Variants in KATNIP observed in about 807,000 individuals in gnomAD.
The protein encoded by KATNIP is katanin interacting protein.
KATNIP carries 126 observed loss-of-function variants against 174.0 expected under a neutral mutation model. That is an observed-to-expected ratio of 0.72 (90% CI 0.63 to 0.84). The LOEUF (loss-of-function observed/expected upper bound fraction) is 0.84, where lower values mean the gene tolerates loss of function less well. KATNIP is among the 40% of genes least tolerant of loss of function. KATNIP has a pLI of 0.00. For missense variants in KATNIP, 1,958 were observed against 2,109.7 expected (o/e 0.93, Z 1.41); for synonymous variants, 810 against 835.7 (o/e 0.97, Z 0.53).
At chr16:27,645,554 T>C (rs1757281539) in intron 5 of KATNIP, among the ~76,000 whole-genome samples, 1 of 152,180 alleles carries the variant, frequency 6.6e-6, no homozygotes, top group African/African-American at 2.4e-5. Flanking sequence ...TTGCTGCATC[T>C]TAGAGAACAT....
At chr16:27,634,932 G>A (rs2076590908) in intron 5 of KATNIP, among the ~76,000 whole-genome samples, 1 of 152,130 alleles carries the variant, frequency 6.6e-6, no homozygotes, top group Non-Finnish European at 1.5e-5. Flanking sequence ...GAGGAGTTTG[G>A]GGCCAGTGTT....
intron 2 of KATNIP, among the ~76,000 whole-genome samples, chr16:27,618,148 G>A (rs1018717729): frequency 2.0e-5 from 3 of 152,168 alleles, no homozygotes; most frequent in Non-Finnish European, 2.9e-5. Context: ...CAGAACCCTT[G>A]ATCTTAGAGG....
At chr16:27,697,635 T>G (rs2078960922) in intron 8 of KATNIP, among the ~76,000 whole-genome samples, 1 of 146,456 alleles carries the variant, frequency 6.8e-6, no homozygotes, top group South Asian at 2.1e-4. Context: ...ACAGAAATAT[T>G]ATGCACACAC....
At chr16:27,587,985 G>C (rs886988496) in intron 2 of KATNIP, among the ~76,000 whole-genome samples, 3 of 148,838 alleles carry the variant, frequency 2.0e-5, no homozygotes, top group Non-Finnish European at 4.4e-5. Flanking sequence ...GCATGAACAC[G>C]GCTCAAGTGA....
chr16:27,663,143 TTTC>T (rs1419025876), intron 6 of KATNIP, among the ~76,000 whole-genome samples: 3 of 149,188 alleles, frequency 2.0e-5, no homozygotes, highest in African/African-American at 7.3e-5. Flanking sequence ...TTCTTTTTCT[TTTC>T]TTCTTCTTTT....
At chr16:27,650,926 G>A (rs1322599009) in intron 6 of KATNIP, among the ~76,000 whole-genome samples, 1 of 152,256 alleles carries the variant, frequency 6.6e-6, no homozygotes, top group East Asian at 1.9e-4. Flanking sequence ...CAGACAATTT[G>A]CTTTTGAACT....
chr16:27,657,743 C>T (rs972154192), intron 6 of KATNIP, among the ~76,000 whole-genome samples: 8 of 152,146 alleles, frequency 5.3e-5, no homozygotes, highest in Admixed American at 3.9e-4. Flanking sequence ...AACCCCGTCT[C>T]TACTAAAAAT....
chr16:27,607,524 A>G (rs1426216252), intron 2 of KATNIP, among the ~76,000 whole-genome samples: 1 of 151,458 alleles, frequency 6.6e-6, no homozygotes, highest in Non-Finnish European at 1.5e-5. Context: ...TGTGCAGCCT[A>G]TAGGGAGGCA....
At chr16:27,617,543 G>A (rs1369125631) in intron 2 of KATNIP, among the ~76,000 whole-genome samples, 4 of 152,174 alleles carry the variant, frequency 2.6e-5, no homozygotes, top group Admixed American at 6.5e-5. Flanking sequence ...GGTCATCTAC[G>A]GAAGCCAGTG....
intron 14 of KATNIP, among the ~76,000 whole-genome samples, chr16:27,729,774 A>T (rs1266181121): frequency 6.6e-6 from 1 of 152,162 alleles, no homozygotes; most frequent in Admixed American, 6.5e-5. Flanking sequence ...CTCCTGGCTC[A>T]CAACTTTGAT....
At chr16:27,595,822 G>A (rs1163066798) in intron 2 of KATNIP, among the ~76,000 whole-genome samples, 1 of 152,170 alleles carries the variant, frequency 6.6e-6, no homozygotes, top group Non-Finnish European at 1.5e-5. Flanking sequence ...GCCCTCAGAA[G>A]GGCCTTGCTG....
chr16:27,641,852 T>C (rs2076810115), intron 5 of KATNIP, among the ~76,000 whole-genome samples: 1 of 152,170 alleles, frequency 6.6e-6, no homozygotes, highest in Admixed American at 6.5e-5. Flanking sequence ...GCCCCCTTTT[T>C]CTGGACAAAG....
rs143282229 is a variant in KATNIP, at chr16:27,770,776, A to C, written c.4133+758A>C. 4.7e-3 allele frequency among the ~76,000 whole-genome samples: 709 copies of C among 152,314 alleles called. 4 individuals are homozygous for C. Among genetic ancestry groups the C allele is most frequent in the Non-Finnish European group, 7.7e-3 (526 of 68,016 alleles). ...AATCCTTCCAGCCACCCTTTGACCT[A>C]GCCAGTATGATGCCCGTTTTACAGA... is the stretch of plus-strand genomic sequence containing the variant. On this transcript the variant is annotated intron_variant, in intron 21 of 27. Transcript: ENST00000261588.
intron 2 of KATNIP, among the ~76,000 whole-genome samples, chr16:27,579,220 G>T (rs1356813411): frequency 6.6e-6 from 1 of 152,184 alleles, no homozygotes; most frequent in African/African-American, 2.4e-5. Context: ...CATGAGCATG[G>T]CGCTGGGGAC....
chr16:27,662,174 T>C (rs947341510), intron 6 of KATNIP, among the ~76,000 whole-genome samples: 9 of 147,706 alleles, frequency 6.1e-5, no homozygotes, highest in African/African-American at 2.3e-4. Flanking sequence ...GCTCAAGCAG[T>C]CCGCCTGCGT....
At chr16:27,661,390 T>G (rs1416248635) in intron 6 of KATNIP, among the ~76,000 whole-genome samples, 2 of 151,894 alleles carry the variant, frequency 1.3e-5, no homozygotes, top group Non-Finnish European at 2.9e-5. Flanking sequence ...GTTTCTGGGT[T>G]TCTTTCTTTT....
chr16:27,765,195 A>G lies in KATNIP; in HGVS notation c.3810-1114A>G, dbSNP rs576409893. On this transcript the variant is annotated intron_variant, in intron 19 of 27. Coordinates refer to ENST00000261588, the MANE Select transcript of KATNIP (RefSeq NM_015202.5). ...CAGCTGGGCCCTTTTTTCCAGGACC[A>G]GGCTTCTGAATGGCAGTGCCAGACA... 1.2e-3 allele frequency among the ~76,000 whole-genome samples: 181 copies of G among 152,246 alleles called. 1 individual carries two copies. Among genetic ancestry groups the G allele is most frequent in the Admixed American group, 3.9e-3 (60 of 15,300 alleles).
chr16:27,643,463 C>T, intron 5 of KATNIP: 1 of 152,166 alleles, frequency 6.6e-6, no homozygotes, highest in Non-Finnish European at 1.5e-5. Flanking sequence ...TGGTGGCGGG[C>T]ACCTGTAGTT....
chr16:27,773,077 T>C, intron 22 of KATNIP, 22 bp from the exon 23 acceptor site: 1 of 1,452,840 alleles, frequency 6.9e-7, no homozygotes, highest in Non-Finnish European at 9.5e-7. Flanking sequence ...TAAGCCTTCT[T>C]TTCCTTAATA....
Sources: allele counts gnomAD v4.1 joint callset (sites outside exome capture counted in the v4.1 genomes callset), GRCh38; gene constraint gnomAD v4.1.1; transcripts MANE v1.5; gene names NCBI Gene and HGNC (gene_info 2026-07-23, HGNC 2026-07-21).